Variants in GCSAML observed in about 807,000 individuals in gnomAD.
GCSAML encodes germinal center associated signaling and motility like, also known as germinal center-associated signaling and motility-like protein.
Under a neutral mutation model 13.0 loss-of-function variants are expected in GCSAML, and 9 were observed. The ratio of observed to expected loss-of-function variants is 0.69; its 90% CI spans 0.42 to 1.21. GCSAML has a LOEUF of 1.21. GCSAML is among the 50% of genes most tolerant of loss of function. The pLI, the probability that GCSAML is intolerant of heterozygous loss-of-function variation, is 0.00. For synonymous variants in GCSAML, 37 were observed against 52.9 expected (o/e 0.70, Z 1.31); for missense variants, 143 against 153.4 (o/e 0.93, Z 0.36).
chr1:247,550,040 AG>A (rs1222290438), intron 1 of GCSAML, among the ~76,000 whole-genome samples: 1 of 152,192 alleles, frequency 6.6e-6, no homozygotes, highest in African/African-American at 2.4e-5. Flanking sequence ...CTGGACAAAA[AG>A]GGTATGACCT....
chr1:247,539,469 A>T (rs1355853969), intron 2 of GCSAML, among the ~76,000 whole-genome samples: 1 of 152,170 alleles, frequency 6.6e-6, no homozygotes, highest in African/African-American at 2.4e-5. Flanking sequence ...TACCACAGTG[A>T]TCTATACATG....
intron 1 of GCSAML, among the ~76,000 whole-genome samples, chr1:247,554,758 A>G (rs1667896841): frequency 1.3e-5 from 2 of 152,120 alleles, no homozygotes; most frequent in Admixed American, 1.3e-4. Flanking sequence ...TGATAGTTGG[A>G]GAAATCATGT....
Position 247,520,526 on chromosome 1 carries a change from T to TCACA in GCSAML, c.-262-6395_-262-6392dup, listed in dbSNP as rs10597982. The stretch of plus-strand genomic sequence containing the variant: ...TCTTCAGATAAGTACCCCCACCTCT[T>TCACA]CACACACACACACACACACACATCT... On this transcript the variant is annotated intron_variant, in intron 1 of 5. Coordinates refer to the GCSAML transcript ENST00000366489. Among the ~76,000 whole-genome samples the TCACA allele has an allele frequency of 3.4e-3, 511 of 150,396 alleles. 6 individuals carry two copies. The highest frequency in any genetic ancestry group is 4.1e-3 in the East Asian group (21 of 5,106).
intron 1 of GCSAML, among the ~76,000 whole-genome samples, chr1:247,511,793 T>A (rs982540915): frequency 6.6e-6 from 1 of 152,226 alleles, no homozygotes; most frequent in African/African-American, 2.4e-5. Context: ...TATGAAATTC[T>A]GGGTTGAAAA....
At chr1:247,560,413 C>T (rs188592996) in intron 2 of GCSAML, among the ~76,000 whole-genome samples, 1 of 152,158 alleles carries the variant, frequency 6.6e-6, no homozygotes, top group Non-Finnish European at 1.5e-5. Context: ...TCTTTCTCCT[C>T]ACAACTTAGT....
chr1:247,509,224 C>T (rs1285128444), intron 1 of GCSAML, among the ~76,000 whole-genome samples: 1 of 152,132 alleles, frequency 6.6e-6, no homozygotes, highest in African/African-American at 2.4e-5. Context: ...TCCTTCACAT[C>T]TCTTCTAAGT....
At position 247,549,153 on chromosome 1, in the gene GCSAML, T is replaced by A; in HGVS notation, c.-39T>A. 6.2e-7 allele frequency: 1 copy of A among 1,613,914 alleles called. No homozygotes were observed. Among genetic ancestry groups the A allele is most frequent in the Non-Finnish European group, 8.5e-7 (1 of 1,179,942 alleles). On this transcript the variant is annotated 5_prime_UTR_variant, in exon 1 of 5. Coordinates refer to ENST00000366488, the MANE Select transcript of GCSAML (RefSeq NM_145278.5). ...TTGGTCAGAACTTCCCCAAGTGGAG[T>A]GAAACTCAGGAGCTGAGAAACCGAG...
Position 247,526,755 on chromosome 1 carries a change from G to A in GCSAML, c.-262-185G>A. ...ATCAAAGCCTATGGTTGCTGCAAGA[G>A]GAATAAAAGAAAAGATGGAGCCTAG... On this transcript the variant is annotated intron_variant, in intron 1 of 5. Transcript: ENST00000366489. The surrounding 1 kb of genome is among the most constrained non-coding windows in gnomAD (Gnocchi z 4.8). 2.8e-6 allele frequency: 1 copy of A among 359,928 alleles called. No individual in the cohort carries two copies. The highest frequency in any genetic ancestry group is 2.2e-5 in the South Asian group (1 of 46,452). 22.3% of individuals were successfully genotyped at this position (359,928 alleles called of 1,614,324 possible).
chr1:247,531,623 C>T, intron 2 of GCSAML: 1 of 1,614,180 alleles, frequency 6.2e-7, no homozygotes, highest in East Asian at 2.2e-5. Flanking sequence ...CTCTTCACCT[C>T]CGTGTTCCTC....
intron 1 of GCSAML, chr1:247,525,247 A>C (rs2103322147): frequency 6.6e-6 from 1 of 152,202 alleles, no homozygotes; most frequent in East Asian, 1.9e-4. Flanking sequence ...GCAAACAATC[A>C]ATCCTATGGC....
intron 2 of GCSAML, among the ~76,000 whole-genome samples, chr1:247,557,091 A>C (rs1388526489): frequency 6.6e-6 from 1 of 152,196 alleles, no homozygotes; most frequent in Non-Finnish European, 1.5e-5. Context: ...ATTTGGACTG[A>C]TTGATAACGT....
At chr1:247,516,129 G>C (rs1208346457) in intron 1 of GCSAML, among the ~76,000 whole-genome samples, 1 of 152,054 alleles carries the variant, frequency 6.6e-6, no homozygotes, top group Non-Finnish European at 1.5e-5. Context: ...CAAGAACAGG[G>C]GTGTTTTGCC....
chr1:247,541,386 A>T (rs1667406288), intron 2 of GCSAML, among the ~76,000 whole-genome samples: 1 of 152,194 alleles, frequency 6.6e-6, no homozygotes, highest in African/African-American at 2.4e-5. Context: ...GGGGTAGAAT[A>T]TTGAGAACTA....
At chr1:247,524,198 C>T (rs1211173705) in intron 1 of GCSAML, among the ~76,000 whole-genome samples, 2 of 152,300 alleles carry the variant, frequency 1.3e-5, no homozygotes, top group African/African-American at 2.4e-5. Flanking sequence ...AAATTCCATA[C>T]ATCTAGGGTC....
upstream of GCSAML, among the ~76,000 whole-genome samples, chr1:247,547,299 C>T (rs1244189209): frequency 3.9e-5 from 6 of 152,206 alleles, no homozygotes; most frequent in African/African-American, 1.2e-4. Context: ...AGGATACCTA[C>T]GGCTTACTGA....
At chr1:247,570,419 T>C (rs949956890) in intron 4 of GCSAML, among the ~76,000 whole-genome samples, 2 of 152,194 alleles carry the variant, frequency 1.3e-5, no homozygotes, top group East Asian at 1.9e-4. Context: ...TTTGTTCTCA[T>C]TGGTTTCAAA....
chr1:247,517,540 AT>A (rs546836859), intron 1 of GCSAML, among the ~76,000 whole-genome samples: 270 of 152,228 alleles, frequency 1.8e-3, no homozygotes, highest in African/African-American at 5.2e-3. Context: ...CTGACAAAAT[AT>A]TTTTTTTAAT....
At chr1:247,515,683 T>A (rs2103302256) in intron 1 of GCSAML, among the ~76,000 whole-genome samples, 1 of 152,272 alleles carries the variant, frequency 6.6e-6, no homozygotes, top group East Asian at 1.9e-4. Context: ...CTTACCATGG[T>A]GGAGCAGGAG....
intron 2 of GCSAML, chr1:247,532,466 G>A (rs1445987038): frequency 6.2e-7 from 1 of 1,614,014 alleles, no homozygotes; most frequent in Non-Finnish European, 8.5e-7. Flanking sequence ...GAGAAGCCCA[G>A]GAGGACAAAG....
Sources: allele counts gnomAD v4.1 joint callset (sites outside exome capture counted in the v4.1 genomes callset), GRCh38; gene constraint gnomAD v4.1.1; non-coding constraint Gnocchi (gnomAD v3.1); transcripts MANE v1.5; gene names NCBI Gene and HGNC (gene_info 2026-07-23, HGNC 2026-07-21).